ENPP2: variants seen among roughly 807,000 people sequenced by gnomAD.
ENPP2 encodes the protein autotaxin.
Under a neutral mutation model 120.2 loss-of-function variants are expected in ENPP2, and 51 were observed. That is an observed-to-expected ratio of 0.42 (90% CI 0.34 to 0.54). The LOEUF is 0.54. Ranked by LOEUF, ENPP2 falls within the 20% of genes least tolerant of loss-of-function variation. ENPP2 has a pLI of 0.04. For synonymous variants in ENPP2, 365 were observed against 366.4 expected (o/e 1.00, Z 0.04); for missense variants, 920 against 1,066.5 (o/e 0.86, Z 1.91).
At chr8:119,560,776 G>A (rs1813864396) in intron 24 of ENPP2, among the ~76,000 whole-genome samples, 1 of 152,092 alleles carries the variant, frequency 6.6e-6, no homozygotes, top group Non-Finnish European at 1.5e-5. Flanking sequence ...GGAGTCAGAG[G>A]CCTTAAATCT....
At chr8:119,655,491 A>G (rs912749862) in intron 1 of ENPP2, among the ~76,000 whole-genome samples, 2 of 152,186 alleles carry the variant, frequency 1.3e-5, no homozygotes, top group Non-Finnish European at 2.9e-5. Flanking sequence ...CACTAGCTCT[A>G]TGGACTTGAC....
At chr8:119,595,983 G>C (rs1813868494) in intron 11 of ENPP2, 1 of 1,613,862 alleles carries the variant, frequency 6.2e-7, no homozygotes. Context: ...CGGAGTAAAA[G>C]GTGAGCCATA....
At chr8:119,592,473 CAAAAAAAAAAAAA>C (rs61330053) in intron 12 of ENPP2, among the ~76,000 whole-genome samples, 1 of 54,934 alleles carries the variant, frequency 1.8e-5, no homozygotes, top group African/African-American at 7.3e-5. Context: ...AACTCCACCT[CAAAAAAAAAAAAA>C]AAAAAAAAAA....
intron 1 of ENPP2, among the ~76,000 whole-genome samples, chr8:119,657,718 T>G (rs1314090574): frequency 1.3e-5 from 2 of 152,164 alleles, no homozygotes; most frequent in African/African-American, 4.8e-5. Context: ...TTATTAGACG[T>G]GTGTTTGTCT....
rs371789302 is a variant in ENPP2 at position 119,633,047 on chromosome 8, C to T, written c.136+5378G>A. 1.2e-4 allele frequency among the ~76,000 whole-genome samples: 18 copies of T among 152,304 alleles called. No homozygotes were observed. The East Asian group carries it at 1.5e-3, about 13-fold the overall frequency. On this transcript the variant is annotated intron_variant, in intron 2 of 24. Coordinates refer to ENST00000075322, the MANE Select transcript of ENPP2 (RefSeq NM_001040092.3). The stretch of plus-strand genomic sequence containing the variant: ...TCCAGCCTGGGCAACAAGAGCGAAA[C>T]TCCATCTCAAAAAACAACAACAACA...
intron 8 of ENPP2, among the ~76,000 whole-genome samples, chr8:119,610,079 T>C (rs1814991395): frequency 6.6e-6 from 1 of 152,170 alleles, no homozygotes; most frequent in African/African-American, 2.4e-5. Context: ...TATGTTAAAA[T>C]TATTATGATG....
At chr8:119,617,909 A>G (rs527579358) in intron 5 of ENPP2, among the ~76,000 whole-genome samples, 149 of 152,284 alleles carry the variant, frequency 9.8e-4, no homozygotes, top group Admixed American at 1.2e-3. Context: ...AGATCGCACC[A>G]TTGCACTCCA....
chr8:119,666,777 T>TAA (rs11326011), intron 1 of ENPP2, among the ~76,000 whole-genome samples: 1 of 136,662 alleles, frequency 7.3e-6, no homozygotes, highest in African/African-American at 2.6e-5. Context: ...CAAAACTGTC[T>TAA]AAAAAAAAAA....
intron 3 of ENPP2, among the ~76,000 whole-genome samples, chr8:119,624,375 A>T (rs983470600): frequency 9.2e-5 from 14 of 152,170 alleles, no homozygotes; most frequent in Non-Finnish European, 1.3e-4. Flanking sequence ...AAATATTTTT[A>T]AAAATAAGAG....
intron 3 of ENPP2, among the ~76,000 whole-genome samples, chr8:119,622,406 A>G (rs540472963): frequency 5.4e-4 from 83 of 152,352 alleles, no homozygotes; most frequent in Non-Finnish European, 8.1e-4. Flanking sequence ...CCTACCTACA[A>G]TGACAGGTCA....
chr8:119,604,587 C>A (rs1814560406), intron 9 of ENPP2, among the ~76,000 whole-genome samples: 2 of 143,258 alleles, frequency 1.4e-5, no homozygotes, highest in Non-Finnish European at 3.1e-5. Context: ...TAGAAATGGT[C>A]AAAAAAAAAA....
chr8:119,576,189 A>G (rs2130206471), intron 19 of ENPP2, among the ~76,000 whole-genome samples: 1 of 152,278 alleles, frequency 6.6e-6, no homozygotes, highest in South Asian at 2.1e-4. Context: ...CCCAGGCTGG[A>G]GTACAATGGC....
intron 8 of ENPP2, among the ~76,000 whole-genome samples, chr8:119,612,958 A>G (rs1221629157): frequency 6.6e-6 from 1 of 152,226 alleles, no homozygotes; most frequent in Non-Finnish European, 1.5e-5. Flanking sequence ...TACTCCAGAA[A>G]TGCTGACTTC....
intron 5 of ENPP2, 68 bp downstream of exon 5, chr8:119,619,176 T>C: frequency 8.7e-7 from 1 of 1,155,312 alleles, no homozygotes; most frequent in Non-Finnish European, 1.3e-6. Context: ...AATACTTCTC[T>C]TTTCATTTCC....
At chr8:119,559,029 A>G (rs1813705098) in intron 24 of ENPP2, among the ~76,000 whole-genome samples, 1 of 152,200 alleles carries the variant, frequency 6.6e-6, no homozygotes, top group Admixed American at 6.5e-5. Flanking sequence ...CTCAGGCAAA[A>G]TGAAGAAAGG....
intron 1 of ENPP2, among the ~76,000 whole-genome samples, chr8:119,648,602 A>C (rs971239835): frequency 1.2e-4 from 18 of 152,230 alleles, no homozygotes; most frequent in Admixed American, 6.5e-5. Context: ...CAAAGGTGTC[A>C]TCACGTGCTT....
chr8:119,673,297 C>G (rs1309480809), exon 1 of ENPP2: 2 of 1,535,126 alleles, frequency 1.3e-6, no homozygotes, highest in South Asian at 2.4e-5. Flanking sequence ...GGCGTCTGTT[C>G]CTGCCCGGGC....
chr8:119,662,993 T>C (rs1817965701), intron 1 of ENPP2, among the ~76,000 whole-genome samples: 1 of 151,992 alleles, frequency 6.6e-6, no homozygotes, highest in Non-Finnish European at 1.5e-5. Context: ...GGCACACACC[T>C]GTAATCCCAG....
chr8:119,639,543 C>T (rs1817200855), upstream of ENPP2, among the ~76,000 whole-genome samples: 2 of 151,680 alleles, frequency 1.3e-5, no homozygotes, highest in Non-Finnish European at 2.9e-5. Context: ...CCTGGGAGGA[C>T]GGACAAAATA....
Sources: gnomAD v4.1 joint callset for allele counts (sites outside exome capture counted in the v4.1 genomes callset) on GRCh38, gnomAD v4.1.1 for gene constraint, MANE v1.5 for transcripts, NCBI Gene and HGNC (gene_info 2026-07-23, HGNC 2026-07-21) for gene names.